MFHAS1: variants seen among roughly 807,000 people sequenced by gnomAD.
MFHAS1 encodes the protein multifunctional ROCO family signaling regulator 1, also known as malignant fibrous histiocytoma-amplified sequence 1.
MFHAS1 carries 50 observed loss-of-function variants against 70.4 expected under a neutral mutation model. The observed-to-expected ratio is 0.71, with a 90% CI of 0.57 to 0.90. MFHAS1 has a LOEUF of 0.90. Among genes scored for constraint, MFHAS1 ranks in the 40% least tolerant of loss-of-function variants. The pLI is 0.00. For synonymous variants in MFHAS1, 952 were observed against 620.0 expected (o/e 1.54, Z -7.96); for missense variants, 1,795 against 1,347.6 (o/e 1.33, Z -5.20).
chr8:8,813,407 G>C (rs1806623080), intron 1 of MFHAS1, among the ~76,000 whole-genome samples: 1 of 152,064 alleles, frequency 6.6e-6, no homozygotes, highest in African/African-American at 2.4e-5. Context: ...GGTGTTCCAG[G>C]AGAAGGCATT....
At chr8:8,832,343 A>G (rs1031699750) in intron 1 of MFHAS1, among the ~76,000 whole-genome samples, 2 of 151,914 alleles carry the variant, frequency 1.3e-5, no homozygotes, top group East Asian at 3.9e-4. Flanking sequence ...TGTTTCTAGA[A>G]TATATTTAAA....
intron 2 of MFHAS1, among the ~76,000 whole-genome samples, chr8:8,792,184 C>G (rs1423234283): frequency 6.6e-6 from 1 of 150,682 alleles, no homozygotes; most frequent in Non-Finnish European, 1.5e-5. Flanking sequence ...TTGCAGTGAG[C>G]CGAGATCATG....
At chr8:8,842,694 G>C (rs1807877868) in intron 1 of MFHAS1, among the ~76,000 whole-genome samples, 2 of 152,258 alleles carry the variant, frequency 1.3e-5, no homozygotes, top group Non-Finnish European at 2.9e-5. Flanking sequence ...TCTGGACTCA[G>C]CATCATCCAT....
At chr8:8,861,929 T>C (rs1297798816) in intron 1 of MFHAS1, among the ~76,000 whole-genome samples, 1 of 152,222 alleles carries the variant, frequency 6.6e-6, no homozygotes, top group Admixed American at 6.5e-5. Context: ...CATACCACAA[T>C]GTGTTTATCT....
chr8:8,866,181 T>A (rs1257670469), intron 1 of MFHAS1, among the ~76,000 whole-genome samples: 2 of 152,154 alleles, frequency 1.3e-5, no homozygotes, highest in Non-Finnish European at 2.9e-5. Context: ...TTACCATTGG[T>A]TCAGTAAAAT....
chr8:8,855,198 C>T (rs1381758041), intron 1 of MFHAS1, among the ~76,000 whole-genome samples: 2 of 152,350 alleles, frequency 1.3e-5, no homozygotes, highest in East Asian at 3.9e-4. Context: ...GGGGATCCAC[C>T]CGCCTCGGCC....
intron 1 of MFHAS1, among the ~76,000 whole-genome samples, chr8:8,811,979 G>A (rs527996828): frequency 6.6e-6 from 1 of 152,214 alleles, no homozygotes; most frequent in African/African-American, 2.4e-5. Flanking sequence ...CCATCCAAGG[G>A]CAAACAAAAA....
At chr8:8,826,029 A>G (rs1253601008) in intron 1 of MFHAS1, among the ~76,000 whole-genome samples, 1 of 152,186 alleles carries the variant, frequency 6.6e-6, no homozygotes, top group East Asian at 1.9e-4. Flanking sequence ...GCTGTACCCA[A>G]GAGGTTCTGA....
chr8:8,873,325 T>A (rs542984126), intron 1 of MFHAS1, among the ~76,000 whole-genome samples: 2 of 152,118 alleles, frequency 1.3e-5, no homozygotes, highest in African/African-American at 4.8e-5. Flanking sequence ...TAGCATGAAA[T>A]GAAGGATTTT....
At chr8:8,797,835 A>C (rs1805962162) in intron 1 of MFHAS1, among the ~76,000 whole-genome samples, 1 of 152,214 alleles carries the variant, frequency 6.6e-6, no homozygotes, top group South Asian at 2.1e-4. Context: ...CAGAGTCCCC[A>C]GAGCCCACCG....
intron 1 of MFHAS1, among the ~76,000 whole-genome samples, chr8:8,843,294 C>T (rs189330553): frequency 2.3e-5 from 3 of 133,106 alleles, no homozygotes; most frequent in South Asian, 2.5e-4. Context: ...AAAAAGAAAG[C>T]GAAAGAGGGC....
intron 1 of MFHAS1, among the ~76,000 whole-genome samples, chr8:8,865,002 C>A (rs573448668): frequency 3.3e-5 from 5 of 152,148 alleles, no homozygotes; most frequent in South Asian, 4.2e-4. Context: ...CAGGCCAGGT[C>A]TGGTGGCTCA....
At chr8:8,881,726 C>G (rs778136327) in intron 1 of MFHAS1, among the ~76,000 whole-genome samples, 1 of 150,492 alleles carries the variant, frequency 6.6e-6, no homozygotes, top group East Asian at 2.0e-4. Flanking sequence ...CCCAGCTACT[C>G]GAGAGGCTGA....
chr8:8,853,027 G>C (rs1808304016), intron 1 of MFHAS1, among the ~76,000 whole-genome samples: 1 of 152,122 alleles, frequency 6.6e-6, no homozygotes, highest in African/African-American at 2.4e-5. Context: ...AAGGAAGCAG[G>C]AGGTCCTGAT....
In MFHAS1 at chr8:8,891,677, G is replaced by A; in HGVS notation, c.1382C>T (p.Thr461Ile). ...PPPVSKGIEV[T>I]SWTADASRGL... ...CCGGGAGGCATCGGCCGTCCAGCTG[G>A]TCACCTCGATGCCCTTGCTCACAGG... The change falls in exon 1 of 3, where the codon ACC (threonine) becomes ATC (isoleucine). Residue 461 changes from threonine (T) to isoleucine (I), a missense_variant. Physicochemically the swap from Thr to Ile is moderately conservative, Grantham distance 89. Transcript: ENST00000276282. This position sits in a 1 kb window ranked among gnomAD's most constrained non-coding sequence, Gnocchi z 5.4. 2 of 1,613,552 alleles carry A rather than the reference G, an allele frequency of 1.2e-6. No individual in the cohort carries two copies. Among genetic ancestry groups the A allele is most frequent in the African/African-American group, 1.3e-5 (1 of 75,028 alleles).
chr8:8,783,554 C>T lies in MFHAS1; in HGVS notation c.*2468G>A, dbSNP rs770897815. 2 of 151,920 alleles carry T rather than the reference C, an allele frequency of 1.3e-5. No individual in the cohort carries two copies. The highest frequency in any genetic ancestry group is 2.9e-5 in the Non-Finnish European group (2 of 68,032). The allele number at this position is 151,920 out of a possible 1,614,324, so 9.4% of individuals were successfully genotyped here. A position where few individuals can be genotyped will look rare whatever the true frequency, so the allele number is the denominator to read the frequency against. On this transcript the variant is annotated 3_prime_UTR_variant, in exon 3 of 3. Coordinates refer to ENST00000276282, the MANE Select transcript of MFHAS1 (RefSeq NM_004225.3). Reference sequence around the variant, plus strand: ...AATACACAAGTGTCAAATATGAGCACTGTCATTTTTTTTTTCTTAGAAGGG... The same window carrying T: ...AATACACAAGTGTCAAATATGAGCATTGTCATTTTTTTTTTCTTAGAAGGG...
At position 8,892,930 on chromosome 8, in the gene MFHAS1, G is replaced by A. The variant is rs1174733837; in HGVS notation, c.129C>T (p.Ala43=). ...TLTAAGACPG[A]GADALESPAS... is the part of the protein sequence containing the mutation. ...CGGGGGACTCGAGCGCGTCGGCCCC[G>A]GCCCCGGGGCAGGCCCCGGCGGCGG... The change falls in exon 1 of 3, where the codon GCC becomes GCT. Residue 43 remains alanine, a synonymous_variant. Transcript: ENST00000276282. This position sits in a 1 kb window ranked among gnomAD's most constrained non-coding sequence, Gnocchi z 4.7. 1.9e-6 allele frequency: 3 copies of A among 1,548,662 alleles called. No homozygotes were observed. Among genetic ancestry groups the A allele is most frequent in the African/African-American group, 1.4e-5 (1 of 70,844 alleles).
chr8:8,886,184 TTTC>T (rs1444941475), intron 1 of MFHAS1, among the ~76,000 whole-genome samples: 12 of 152,030 alleles, frequency 7.9e-5, no homozygotes, highest in Admixed American at 6.5e-4. Context: ...TTTCCAATCA[TTTC>T]TTTTTTTTTT....
chr8:8,842,178 T>C (rs1585046486), intron 1 of MFHAS1, among the ~76,000 whole-genome samples: 1 of 151,582 alleles, frequency 6.6e-6, no homozygotes, highest in African/African-American at 2.4e-5. Context: ...ACTTCACAGG[T>C]CTGATTTTCT....
Sources: gnomAD v4.1 joint callset for allele counts (sites outside exome capture counted in the v4.1 genomes callset) on GRCh38, gnomAD v4.1.1 for gene constraint, Gnocchi (gnomAD v3.1) non-coding constraint, MANE v1.5 for transcripts, NCBI Gene and HGNC (gene_info 2026-07-23, HGNC 2026-07-21) for gene names.